The following MPPED2 variants were observed in gnomAD, a reference collection of about 807,000 sequenced individuals.
MPPED2 encodes metallophosphoesterase domain containing 2.
In MPPED2, 5 loss-of-function variants were observed where a neutral mutation model predicts 33.0. The ratio of observed to expected loss-of-function variants is 0.15; its 90% CI spans 0.08 to 0.32. The LOEUF (loss-of-function observed/expected upper bound fraction) is 0.32, where lower values mean the gene tolerates loss of function less well. MPPED2 is among the 10% of genes least tolerant of loss of function. MPPED2 has a pLI of 1.00. For synonymous variants in MPPED2, 136 were observed against 141.9 expected (o/e 0.96, Z 0.29); for missense variants, 275 against 372.1 (o/e 0.74, Z 2.15).
chr11:30,460,730 G>T (rs1950486588), intron 4 of MPPED2, among the ~76,000 whole-genome samples: 1 of 152,186 alleles, frequency 6.6e-6, no homozygotes, highest in Non-Finnish European at 1.5e-5. Flanking sequence ...AGAGTAGGGT[G>T]TGATGGGAAT....
intron 4 of MPPED2, among the ~76,000 whole-genome samples, chr11:30,454,289 T>C (rs1950186089): frequency 6.6e-6 from 1 of 152,224 alleles, no homozygotes; most frequent in South Asian, 2.1e-4. Flanking sequence ...ACTGGCGTAC[T>C]GTGATAAATG....
intron 4 of MPPED2, among the ~76,000 whole-genome samples, chr11:30,422,358 T>C (rs1948650778): frequency 6.6e-6 from 1 of 152,158 alleles, no homozygotes; most frequent in Non-Finnish European, 1.5e-5. Flanking sequence ...AAAATCCTAA[T>C]ATTTTATAGT....
chr11:30,464,169 C>G (rs1950613876), intron 4 of MPPED2, among the ~76,000 whole-genome samples: 1 of 151,616 alleles, frequency 6.6e-6, no homozygotes, highest in Non-Finnish European at 1.5e-5. Flanking sequence ...TTATCAGAGG[C>G]AGAGGTTATC....
At chr11:30,543,794 T>G (rs1026414333) in intron 2 of MPPED2, among the ~76,000 whole-genome samples, 1 of 43,996 alleles carries the variant, frequency 2.3e-5, no homozygotes, top group African/African-American at 1.6e-4. Flanking sequence ...GCGTTGTTCT[T>G]TTTTTTTTTT....
intron 2 of MPPED2, among the ~76,000 whole-genome samples, chr11:30,560,753 G>A (rs747871014): frequency 2.0e-5 from 3 of 152,170 alleles, no homozygotes; most frequent in Non-Finnish European, 4.4e-5. Context: ...ACTTACAGGC[G>A]ATGCAAATGC....
intron 3 of MPPED2, among the ~76,000 whole-genome samples, chr11:30,504,296 T>C (rs1952712300): frequency 6.6e-6 from 1 of 152,142 alleles, no homozygotes. Context: ...GCTTGAAAAC[T>C]GGCCAAGCAG....
At chr11:30,565,142 A>G (rs567306323) in intron 2 of MPPED2, among the ~76,000 whole-genome samples, 1 of 152,328 alleles carries the variant, frequency 6.6e-6, no homozygotes, top group East Asian at 1.9e-4. Context: ...TGAATCATGC[A>G]TAATGCAACA....
chr11:30,418,428 C>T (rs1948469972), intron 4 of MPPED2, among the ~76,000 whole-genome samples: 1 of 152,196 alleles, frequency 6.6e-6, no homozygotes, highest in South Asian at 2.1e-4. Context: ...CTGATCGGTG[C>T]TGAAAATGTC....
intron 4 of MPPED2, among the ~76,000 whole-genome samples, chr11:30,417,865 G>T (rs1031092047): frequency 6.6e-6 from 1 of 152,162 alleles, no homozygotes; most frequent in East Asian, 1.9e-4. Flanking sequence ...AGCCTTTACA[G>T]TGGAGACTTT....
intron 6 of MPPED2, among the ~76,000 whole-genome samples, chr11:30,411,992 A>T (rs768252602): frequency 2.6e-5 from 4 of 152,012 alleles, no homozygotes; most frequent in Non-Finnish European, 5.9e-5. Flanking sequence ...ACACAACTAA[A>T]TTCCAAGTGG....
chr11:30,473,419 T>C (rs1294551947), intron 4 of MPPED2, among the ~76,000 whole-genome samples: 1 of 152,150 alleles, frequency 6.6e-6, no homozygotes, highest in Non-Finnish European at 1.5e-5. Flanking sequence ...GCCTCATGTA[T>C]CCAGTCCATG....
At chr11:30,526,052 CT>C (rs1393533995) in intron 3 of MPPED2, among the ~76,000 whole-genome samples, 1 of 152,160 alleles carries the variant, frequency 6.6e-6, no homozygotes, top group African/African-American at 2.4e-5. Flanking sequence ...TTGAACTACA[CT>C]TTAATTTTGT....
At chr11:30,551,470 A>G (rs1449339033) in intron 2 of MPPED2, among the ~76,000 whole-genome samples, 1 of 152,188 alleles carries the variant, frequency 6.6e-6, no homozygotes, top group Non-Finnish European at 1.5e-5. Context: ...AAGTTGAAAA[A>G]TTGTAAGTTT....
chr11:30,398,344 T>C (rs1947863689), intron 6 of MPPED2, among the ~76,000 whole-genome samples: 1 of 152,164 alleles, frequency 6.6e-6, no homozygotes, highest in East Asian at 1.9e-4. Context: ...AAACTCTACC[T>C]ACCCCACTCA....
intron 3 of MPPED2, among the ~76,000 whole-genome samples, chr11:30,508,136 A>G (rs889238490): frequency 6.6e-6 from 1 of 152,234 alleles, no homozygotes. Flanking sequence ...AAATAATTTG[A>G]ATTAAGTATT....
chr11:30,473,485 C>T (rs772264128), intron 4 of MPPED2, among the ~76,000 whole-genome samples: 9 of 152,072 alleles, frequency 5.9e-5, no homozygotes, highest in South Asian at 4.1e-4. Context: ...AAAGTATTTC[C>T]TCTGTTGCCA....
At chr11:30,459,150 A>G (rs1404479964) in intron 4 of MPPED2, among the ~76,000 whole-genome samples, 1 of 151,488 alleles carries the variant, frequency 6.6e-6, no homozygotes, top group Non-Finnish European at 1.5e-5. Context: ...GATGGTCTCG[A>G]TCTCCTGACC....
chr11:30,536,012 T>C lies in MPPED2; in HGVS notation c.292A>G (p.Lys98Glu). ...TELGLPSEVKKFNDWLGNLPY... is the reference protein window; with the variant it reads ...TELGLPSEVKEFNDWLGNLPY... ...TCCTTACCTAACCAGTCATTAAACT[T>C]CTTAACCTCTGAGGGCAGTCCCAGC... is the stretch of plus-strand genomic sequence containing the variant. The change falls in exon 3 of 7, where the codon AAG becomes GAG. Residue 98 changes from lysine (K) to glutamate (E), a missense_variant. Physicochemically the swap from Lys to Glu is moderately conservative, Grantham distance 56. Coordinates refer to ENST00000358117, the MANE Select transcript of MPPED2 (RefSeq NM_001584.3). 1 of 1,607,170 alleles carries C rather than the reference T, an allele frequency of 6.2e-7. No homozygotes were observed. The highest frequency in any genetic ancestry group is 1.7e-5 in the Admixed American group (1 of 58,570).
intron 3 of MPPED2, among the ~76,000 whole-genome samples, chr11:30,503,177 G>A (rs1354823288): frequency 6.6e-6 from 1 of 152,056 alleles, no homozygotes; most frequent in Non-Finnish European, 1.5e-5. Context: ...GGTTTTATAA[G>A]GGGCTTTACC....
Sources: allele counts gnomAD v4.1 joint callset (sites outside exome capture counted in the v4.1 genomes callset), GRCh38; gene constraint gnomAD v4.1.1; transcripts MANE v1.5; gene names NCBI Gene and HGNC (gene_info 2026-07-23, HGNC 2026-07-21).